Variants in RPS6KC1 observed in about 807,000 individuals in gnomAD.
RPS6KC1 encodes inactive ribosomal protein S6 kinase delta-1.
A neutral mutation model predicts 103.8 loss-of-function variants in RPS6KC1; 54 were observed. That is an observed-to-expected ratio of 0.52 (90% CI 0.42 to 0.65). The LOEUF (loss-of-function observed/expected upper bound fraction) is 0.65. Among genes scored for constraint, RPS6KC1 ranks in the 30% least tolerant of loss-of-function variants. RPS6KC1 has a pLI of 0.00. For synonymous variants in RPS6KC1, 439 were observed against 438.7 expected (o/e 1.00, Z -0.01); for missense variants, 1,151 against 1,253.8 (o/e 0.92, Z 1.24).
chr1:213,237,560 G>T (rs1463496843), intron 10 of RPS6KC1, among the ~76,000 whole-genome samples: 1 of 151,940 alleles, frequency 6.6e-6, no homozygotes, highest in Non-Finnish European at 1.5e-5. Flanking sequence ...ATGTAGGACA[G>T]ATTTTTTTCA....
the RPS6KC1 span, among the ~76,000 whole-genome samples, chr1:213,458,332 A>G: frequency 8.1e-3 from 1,232 of 152,040 alleles, 12 homozygotes; most frequent in South Asian, 0.015. Flanking sequence ...ACATGATCTC[A>G]TTCTTTTTTA....
the RPS6KC1 span, among the ~76,000 whole-genome samples, chr1:213,554,860 A>T: frequency 6.6e-6 from 1 of 152,210 alleles, no homozygotes; most frequent in African/African-American, 2.4e-5. Context: ...TCCATTATGC[A>T]TTTCATTATA....
chr1:213,328,541 T>TATATATATAAAA, the RPS6KC1 span, among the ~76,000 whole-genome samples: 1 of 129,030 alleles, frequency 7.8e-6, no homozygotes, highest in Non-Finnish European at 1.7e-5. Flanking sequence ...TATATATATA[T>TATATATATAAAA]CACACACACA....
the RPS6KC1 span, among the ~76,000 whole-genome samples, chr1:213,404,989 C>T: frequency 3.9e-5 from 6 of 152,206 alleles, no homozygotes; most frequent in East Asian, 3.8e-4. Flanking sequence ...GAGGCACAAA[C>T]GCCACCTTTC....
chr1:213,715,447 A>G, the RPS6KC1 span, among the ~76,000 whole-genome samples: 5 of 152,202 alleles, frequency 3.3e-5, no homozygotes, highest in Non-Finnish European at 2.9e-5. Context: ...TGAATTTCTA[A>G]GATATCCTTG....
At chr1:213,555,686 T>G in the RPS6KC1 span, among the ~76,000 whole-genome samples, 2 of 152,230 alleles carry the variant, frequency 1.3e-5, no homozygotes, top group Admixed American at 1.3e-4. Flanking sequence ...TGCTGGGTAC[T>G]GTGAATTGTG....
chr1:213,407,083 C>T, the RPS6KC1 span, among the ~76,000 whole-genome samples: 15 of 152,260 alleles, frequency 9.9e-5, no homozygotes, highest in East Asian at 9.7e-4. Flanking sequence ...AGGTCCTACC[C>T]GGAGGCCTGA....
At chr1:213,316,688 G>C in the RPS6KC1 span, among the ~76,000 whole-genome samples, 1 of 149,332 alleles carries the variant, frequency 6.7e-6, no homozygotes, top group Non-Finnish European at 1.5e-5. Context: ...GAGCAAGGTA[G>C]GTAGGGCATG....
the RPS6KC1 span, among the ~76,000 whole-genome samples, chr1:213,306,317 G>A: frequency 1.3e-4 from 20 of 152,220 alleles, no homozygotes; most frequent in Admixed American, 5.2e-4. Context: ...ATATTGGTAA[G>A]CATTATGTCT....
Position 213,205,547 on chromosome 1 carries a change from G to GATATATATATATATATATATATAT in RPS6KC1, c.1045-24930_1045-24929insATATATATATATATATATATATAT, listed in dbSNP as rs764745657. Among the ~76,000 whole-genome samples, 25 of 102,464 alleles carry GATATATATATATATATATATATAT rather than the reference G, an allele frequency of 2.4e-4. 1 individual carries two copies. Among genetic ancestry groups the GATATATATATATATATATATATAT allele is most frequent in the African/African-American group, 8.8e-4 (24 of 27,334 alleles). 67.2% of individuals were successfully genotyped at this position (102,464 alleles called of 152,430 possible). Reference sequence around the variant, plus strand: ...AACAACAAACTCATTTATATATATAGATATATATATATATATATATTTCAA... The same window carrying GATATATATATATATATATATATAT: ...AACAACAAACTCATTTATATATATAGATATATATATATATATATATATATATATATATATATATATATATTTCAA... On this transcript the variant is annotated intron_variant, in intron 8 of 14. Coordinates refer to ENST00000366960, the MANE Select transcript of RPS6KC1 (RefSeq NM_012424.6).
intron 4 of RPS6KC1, among the ~76,000 whole-genome samples, chr1:213,105,978 A>G (rs1213960836): frequency 6.6e-6 from 1 of 152,236 alleles, no homozygotes; most frequent in Non-Finnish European, 1.5e-5. Flanking sequence ...AAATACTTTA[A>G]ACAATTTAAG....
the RPS6KC1 span, among the ~76,000 whole-genome samples, chr1:213,671,739 G>A: frequency 1.3e-5 from 2 of 152,098 alleles, no homozygotes; most frequent in African/African-American, 4.8e-5. Flanking sequence ...AGCAGAGATC[G>A]TGCCACTGCA....
At chr1:213,517,309 A>C in the RPS6KC1 span, among the ~76,000 whole-genome samples, 1 of 151,804 alleles carries the variant, frequency 6.6e-6, no homozygotes, top group Non-Finnish European at 1.5e-5. Context: ...TAGTTCTTTT[A>C]ATTGTGATGT....
At chr1:213,317,450 A>G in the RPS6KC1 span, among the ~76,000 whole-genome samples, 1 of 152,202 alleles carries the variant, frequency 6.6e-6, no homozygotes, top group South Asian at 2.1e-4. Flanking sequence ...AGAGAGAAGG[A>G]GCAAGCTCTT....
chr1:213,541,012 G>A, the RPS6KC1 span, among the ~76,000 whole-genome samples: 2 of 151,724 alleles, frequency 1.3e-5, no homozygotes, highest in African/African-American at 4.8e-5. Flanking sequence ...TGTAATTCTA[G>A]TTCTCTTGCA....
At chr1:213,254,225 C>T (rs561254997) in intron 12 of RPS6KC1, among the ~76,000 whole-genome samples, 1 of 152,120 alleles carries the variant, frequency 6.6e-6, no homozygotes, top group South Asian at 2.1e-4. Flanking sequence ...TATCAGAATA[C>T]TGAAGTGAAA....
At chr1:213,805,876 A>G in the RPS6KC1 span, among the ~76,000 whole-genome samples, 3 of 152,284 alleles carry the variant, frequency 2.0e-5, no homozygotes, top group Non-Finnish European at 4.4e-5. Context: ...CTTGATTCAC[A>G]GGCTGGACAA....
chr1:213,261,335 G>C (rs2094790385), intron 12 of RPS6KC1, among the ~76,000 whole-genome samples: 1 of 151,118 alleles, frequency 6.6e-6, no homozygotes, highest in Admixed American at 6.6e-5. Flanking sequence ...ATCAACTGAA[G>C]AACAAATGTC....
chr1:213,857,250 C>G, the RPS6KC1 span, among the ~76,000 whole-genome samples: 10 of 152,314 alleles, frequency 6.6e-5, no homozygotes, highest in South Asian at 2.1e-4. Flanking sequence ...TTGTCATGAC[C>G]AGTGGCTGCC....
Sources: gnomAD v4.1 joint callset for allele counts (sites outside exome capture counted in the v4.1 genomes callset) on GRCh38, gnomAD v4.1.1 for gene constraint, MANE v1.5 for transcripts, NCBI Gene and HGNC (gene_info 2026-07-23, HGNC 2026-07-21) for gene names.